BAG4: variants seen among roughly 807,000 people sequenced by gnomAD.
BAG4 encodes BAG family molecular chaperone regulator 4.
BAG4 carries 28 observed loss-of-function variants against 52.1 expected under a neutral mutation model. The ratio of observed to expected loss-of-function variants is 0.54; its 90% CI spans 0.40 to 0.74. The LOEUF is 0.74. Ranked by LOEUF, BAG4 falls within the 30% of genes least tolerant of loss-of-function variation. BAG4 has a pLI of 0.00. For synonymous variants in BAG4, 208 were observed against 217.0 expected (o/e 0.96, Z 0.37); for missense variants, 525 against 572.0 (o/e 0.92, Z 0.84).
chr8:38,201,859 TATATATATATATATA>T (rs1803672740), intron 2 of BAG4: 2 of 8,958 alleles, frequency 2.2e-4, no homozygotes, highest in African/African-American at 5.8e-4. Context: ...TATATATATA[TATATATATATATATA>T]TATATATTTT....
chr8:38,183,331 G>T (rs1025689640), intron 1 of BAG4, among the ~76,000 whole-genome samples: 1 of 152,178 alleles, frequency 6.6e-6, no homozygotes, highest in Non-Finnish European at 1.5e-5. Flanking sequence ...ACAGGCATGA[G>T]CCACTGTGCC....
intron 2 of BAG4, chr8:38,203,119 A>G (rs1563284471): frequency 1.3e-5 from 2 of 152,172 alleles, no homozygotes; most frequent in Non-Finnish European, 2.9e-5. Context: ...AGTTGTAGTA[A>G]GGGGAAACTT....
intron 1 of BAG4, among the ~76,000 whole-genome samples, chr8:38,190,012 C>T (rs1025037507): frequency 6.6e-6 from 1 of 152,142 alleles, no homozygotes; most frequent in Non-Finnish European, 1.5e-5. Flanking sequence ...GTCTCTATCT[C>T]CTGACCTCGT....
intron 1 of BAG4, among the ~76,000 whole-genome samples, chr8:38,189,361 C>T (rs1420284660): frequency 6.6e-6 from 1 of 152,162 alleles, no homozygotes; most frequent in Non-Finnish European, 1.5e-5. Context: ...TGCAGTTCAG[C>T]TTGTCCTTAG....
intron 1 of BAG4, among the ~76,000 whole-genome samples, chr8:38,181,702 A>G (rs1480039861): frequency 6.6e-6 from 1 of 151,642 alleles, no homozygotes; most frequent in African/African-American, 2.4e-5. Context: ...ACACCACTGC[A>G]CTCCAGCCTG....
At position 38,196,000 on chromosome 8, in the gene BAG4, G is replaced by A. The variant is rs542350471; in HGVS notation, c.378+3205G>A. 2.6e-5 allele frequency among the ~76,000 whole-genome samples: 4 copies of A among 152,254 alleles called. No homozygotes were observed. In the South Asian group the frequency reaches 8.3e-4, roughly 32 times the overall value. ...CAGACATTTTGTATGGAATCATACAGTATGTGGCATTTTGTTTCTGGCTTC... is the reference window on the plus strand; with the variant it reads ...CAGACATTTTGTATGGAATCATACAATATGTGGCATTTTGTTTCTGGCTTC... On this transcript the variant is annotated intron_variant, in intron 2 of 4. Transcript: ENST00000287322.
At chr8:38,186,564 C>T (rs1243860969) in intron 1 of BAG4, among the ~76,000 whole-genome samples, 1 of 152,246 alleles carries the variant, frequency 6.6e-6, no homozygotes, top group South Asian at 2.1e-4. Context: ...AGTAGGCCAG[C>T]TAGTTTGCTG....
chr8:38,196,219 T>G (rs1203263589), intron 2 of BAG4, among the ~76,000 whole-genome samples: 1 of 152,174 alleles, frequency 6.6e-6, no homozygotes, highest in Non-Finnish European at 1.5e-5. Flanking sequence ...AATTGCTTGG[T>G]CATAGAGTAA....
Position 38,184,735 on chromosome 8 carries a change from A to C in BAG4, c.270+7596A>C, listed in dbSNP as rs147874214. 2.0e-3 allele frequency among the ~76,000 whole-genome samples: 300 copies of C among 152,262 alleles called. 2 individuals are homozygous for C. In the East Asian group the frequency reaches 0.023, roughly 11 times the overall value. On this transcript the variant is annotated intron_variant, in intron 1 of 4. Coordinates refer to ENST00000287322, the MANE Select transcript of BAG4 (RefSeq NM_004874.4). ...GTGTTGGCAGAACCAGAAAGCAAGCAAGCTGGGGAGGGAGAAAGGTTTGTA... is the reference window on the plus strand; with the variant it reads ...GTGTTGGCAGAACCAGAAAGCAAGCCAGCTGGGGAGGGAGAAAGGTTTGTA...
In BAG4 at chr8:38,177,124, C is replaced by T. The variant is rs1263858040; in HGVS notation, c.255C>T (p.Ala85=). The T allele has an allele frequency of 1.2e-6, 2 of 1,612,684 alleles. No homozygotes were observed. The highest frequency in any genetic ancestry group is 2.7e-5 in the African/African-American group (2 of 74,882). Residue 85 remains alanine (A), a synonymous_variant, in exon 1 of 5, where the codon GCC becomes GCT. Transcript: ENST00000287322. ...SGGAWPEPGR[A]GGSHQEQPPY... ...GCGCCTGGCCAGAGCCTGGTCGAGCCGGAGGAAGCCACCAGGTAAGCTTTG... is the reference window on the plus strand; with the variant it reads ...GCGCCTGGCCAGAGCCTGGTCGAGCTGGAGGAAGCCACCAGGTAAGCTTTG...
chr8:38,195,708 C>T (rs1336724923), intron 2 of BAG4, among the ~76,000 whole-genome samples: 1 of 152,142 alleles, frequency 6.6e-6, no homozygotes, highest in East Asian at 1.9e-4. Context: ...TCAGCCTCAT[C>T]CCTGTGACTG....
chr8:38,204,794 G>T (rs575554517), intron 2 of BAG4, among the ~76,000 whole-genome samples: 1 of 152,050 alleles, frequency 6.6e-6, no homozygotes, highest in Non-Finnish European at 1.5e-5. Flanking sequence ...CATGGCCGTC[G>T]TGTATTTATT....
At chr8:38,189,217 T>C (rs1331854397) in intron 1 of BAG4, among the ~76,000 whole-genome samples, 3 of 151,978 alleles carry the variant, frequency 2.0e-5, no homozygotes, top group Non-Finnish European at 2.9e-5. Context: ...AGTGTTGGGA[T>C]TACAGACGTA....
At chr8:38,194,350 T>C (rs1369177836) in intron 2 of BAG4, among the ~76,000 whole-genome samples, 1 of 151,920 alleles carries the variant, frequency 6.6e-6, no homozygotes, top group East Asian at 1.9e-4. Context: ...ATCTTTCTGT[T>C]ATATAAATAC....
chr8:38,178,851 A>T (rs1008048309), intron 1 of BAG4, among the ~76,000 whole-genome samples: 1 of 152,144 alleles, frequency 6.6e-6, no homozygotes, highest in Non-Finnish European at 1.5e-5. Flanking sequence ...TTCTAAAATC[A>T]GGGCCTGGTG....
At position 38,208,824 on chromosome 8, in the gene BAG4, T is replaced by A. The variant is rs1264110091; in HGVS notation, c.634-189T>A. On this transcript the variant is annotated intron_variant, in intron 3 of 4. Coordinates refer to ENST00000287322, the MANE Select transcript of BAG4 (RefSeq NM_004874.4). ...TCATTAAATCTACCCCTGGTATCTT[T>A]GGAACCAACTTTTTGAGGCTTGGAG... Among the ~76,000 whole-genome samples the A allele has an allele frequency of 2.0e-5, 3 of 152,292 alleles. No individual in the cohort carries two copies. The East Asian group carries it at 5.8e-4, about 29-fold the overall frequency.
chr8:38,188,112 A>C (rs549621751), intron 1 of BAG4, among the ~76,000 whole-genome samples: 2 of 151,824 alleles, frequency 1.3e-5, no homozygotes, highest in Non-Finnish European at 2.9e-5. Flanking sequence ...AGAAAAAAAA[A>C]GTATAATCAT....
At chr8:38,201,729 A>T (rs1803664091) in intron 2 of BAG4, 1 of 150,850 alleles carries the variant, frequency 6.6e-6, no homozygotes, top group African/African-American at 2.4e-5. Flanking sequence ...CCACATGGTC[A>T]TTCTTCTGTT....
rs967317506 is a variant in BAG4, at chr8:38,176,861, G to C, written c.-9G>C. 4 of 1,497,914 alleles carry C rather than the reference G, an allele frequency of 2.7e-6. No individual in the cohort carries two copies. The highest frequency in any genetic ancestry group is 3.6e-6 in the Non-Finnish European group (4 of 1,121,980). 92.8% of individuals were successfully genotyped at this position (1,497,914 alleles called of 1,614,324 possible). A position where few individuals can be genotyped will look rare whatever the true frequency, so the allele number is the denominator to read the frequency against. On this transcript the variant is annotated 5_prime_UTR_variant, in exon 1 of 5. Coordinates refer to ENST00000287322, the MANE Select transcript of BAG4 (RefSeq NM_004874.4). ...GCGGGGCGGGAAGCGCTTCAGGGCA[G>C]CGGATCCCATGTCGGCCCTGAGGCG...
Sources: allele counts gnomAD v4.1 joint callset (sites outside exome capture counted in the v4.1 genomes callset), GRCh38; gene constraint gnomAD v4.1.1; transcripts MANE v1.5; gene names NCBI Gene and HGNC (gene_info 2026-07-23, HGNC 2026-07-21).